LHFPL3: variants seen among roughly 807,000 people sequenced by gnomAD.
The protein encoded by LHFPL3 is LHFPL tetraspan subfamily member 3.
Under a neutral mutation model 19.3 loss-of-function variants are expected in LHFPL3, and 5 were observed. That is an observed-to-expected ratio of 0.26 (90% CI 0.14 to 0.54). LHFPL3 has a LOEUF of 0.54. Among genes scored for constraint, LHFPL3 ranks in the 20% least tolerant of loss-of-function variants. LHFPL3 has a pLI of 0.94. For missense variants in LHFPL3, 249 were observed against 307.4 expected, an observed-to-expected ratio of 0.81 and a Z score of 1.42; for synonymous variants, 133 against 126.2, an observed-to-expected ratio of 1.05 and a Z score of -0.36.
intron 1 of LHFPL3, among the ~76,000 whole-genome samples, chr7:104,382,746 A>G (rs1413549248): frequency 6.6e-6 from 1 of 152,214 alleles, no homozygotes; most frequent in Admixed American, 6.5e-5. Flanking sequence ...AGCTCTATTA[A>G]TGATCTTATT....
At chr7:104,543,525 C>A (rs1405418421) in intron 1 of LHFPL3, among the ~76,000 whole-genome samples, 1 of 151,798 alleles carries the variant, frequency 6.6e-6, no homozygotes, top group African/African-American at 2.4e-5. Flanking sequence ...AAATGTCCAA[C>A]AATGATAGAC....
intron 1 of LHFPL3, among the ~76,000 whole-genome samples, chr7:104,332,214 A>G (rs1013829416): frequency 3.0e-5 from 3 of 101,146 alleles, no homozygotes; most frequent in Non-Finnish European, 6.1e-5. Context: ...ATAAAATCCT[A>G]TTTCTTTTCT....
chr7:104,889,039 C>G (rs1184277987), intron 2 of LHFPL3, among the ~76,000 whole-genome samples: 1 of 152,038 alleles, frequency 6.6e-6, no homozygotes, highest in Non-Finnish European at 1.5e-5. Flanking sequence ...AAAGGTATAC[C>G]TATTATTTAA....
At chr7:104,789,154 C>T (rs1286503337) in intron 2 of LHFPL3, among the ~76,000 whole-genome samples, 3 of 152,184 alleles carry the variant, frequency 2.0e-5, no homozygotes, top group African/African-American at 7.2e-5. Flanking sequence ...GAATTCACAG[C>T]TCCTCACATG....
At chr7:104,387,061 C>T (rs2116463195) in intron 1 of LHFPL3, among the ~76,000 whole-genome samples, 1 of 152,204 alleles carries the variant, frequency 6.6e-6, no homozygotes, top group South Asian at 2.1e-4. Flanking sequence ...TAGACAAAGA[C>T]TTTAAATCAG....
intron 2 of LHFPL3, among the ~76,000 whole-genome samples, chr7:104,897,774 A>G (rs1792394773): frequency 6.6e-6 from 1 of 152,198 alleles, no homozygotes; most frequent in South Asian, 2.1e-4. Context: ...CCTTGCTAAA[A>G]GAGGATTAAA....
Position 104,566,083 on chromosome 7 carries a change from C to T in LHFPL3, c.446-170592C>T, listed in dbSNP as rs906016586. 9.9e-5 allele frequency among the ~76,000 whole-genome samples: 15 copies of T among 152,162 alleles called. No homozygotes were observed. The East Asian group carries it at 2.1e-3, about 22-fold the overall frequency. The stretch of plus-strand genomic sequence containing the variant: ...CTTCTCATGGCTGGGCATGATGGCT[C>T]ATACCTGTAATCCCAGCATTTTGGG... On this transcript the variant is annotated intron_variant, in intron 1 of 2. Transcript: ENST00000424859.
rs1374078485 is a variant in LHFPL3, at chr7:104,413,950, A to G, written c.445+84726A>G. On this transcript the variant is annotated intron_variant, in intron 1 of 2. Transcript: ENST00000424859. ...TGGCCAGATTAATTTATTTTCAGCA[A>G]AAAAGGTGATTTAATATATAAGAAT... Among the ~76,000 whole-genome samples, 6 of 152,226 alleles carry G rather than the reference A, an allele frequency of 3.9e-5. No homozygotes were observed. The East Asian group carries it at 1.2e-3, about 29-fold the overall frequency.
rs565824655 is a variant in LHFPL3 at position 104,751,746 on chromosome 7, T to C, written c.682+14835T>C. ...TCTTTCATATCTTTTAGCATTTTTA[T>C]CGAAAAAGACTTGTATCTGGCCTCA... On this transcript the variant is annotated intron_variant, in intron 2 of 2. Coordinates refer to ENST00000424859, the MANE Select transcript of LHFPL3 (RefSeq NM_199000.3). Among the ~76,000 whole-genome samples, 403 of 152,304 alleles carry C rather than the reference T, an allele frequency of 2.6e-3. 1 individual carries two copies. The highest frequency in any genetic ancestry group is 5.0e-3 in the Non-Finnish European group (339 of 68,028).
intron 1 of LHFPL3, among the ~76,000 whole-genome samples, chr7:104,418,033 GC>G (rs994356634): frequency 1.1e-4 from 17 of 151,538 alleles, no homozygotes; most frequent in Non-Finnish European, 2.2e-4. Flanking sequence ...CAGGGACCAT[GC>G]CCAGCTAATT....
chr7:104,446,548 TTTTTTG>T, intron 1 of LHFPL3, among the ~76,000 whole-genome samples: 1 of 152,198 alleles, frequency 6.6e-6, no homozygotes, highest in East Asian at 1.9e-4. Flanking sequence ...GATTTTCTAG[TTTTTTG>T]TTTTTATTTT....
At chr7:104,860,575 G>T (rs947709922) in intron 2 of LHFPL3, among the ~76,000 whole-genome samples, 1 of 152,174 alleles carries the variant, frequency 6.6e-6, no homozygotes, top group Non-Finnish European at 1.5e-5. Context: ...CCCCCATCTT[G>T]CAGTCTCTTC....
chr7:104,578,583 G>A (rs897267676), intron 1 of LHFPL3, among the ~76,000 whole-genome samples: 1 of 152,104 alleles, frequency 6.6e-6, no homozygotes, highest in South Asian at 2.1e-4. Flanking sequence ...TTTATATTGG[G>A]ATCTCCTGTG....
chr7:104,580,601 T>C (rs1790442047), intron 1 of LHFPL3, among the ~76,000 whole-genome samples: 1 of 152,116 alleles, frequency 6.6e-6, no homozygotes, highest in Non-Finnish European at 1.5e-5. Context: ...AGGCATATTA[T>C]TCAATGAATT....
At chr7:104,593,300 A>C (rs1013812756) in intron 1 of LHFPL3, among the ~76,000 whole-genome samples, 1 of 152,030 alleles carries the variant, frequency 6.6e-6, no homozygotes, top group Non-Finnish European at 1.5e-5. Context: ...TTTTGTACCC[A>C]GTAGTCATTC....
At chr7:104,617,571 CCTT>C (rs1791369843) in intron 1 of LHFPL3, among the ~76,000 whole-genome samples, 1 of 152,134 alleles carries the variant, frequency 6.6e-6, no homozygotes. Context: ...TAATCAATAA[CCTT>C]CTGTGTTTTT....
At chr7:104,385,937 T>C (rs2116461084) in intron 1 of LHFPL3, among the ~76,000 whole-genome samples, 1 of 150,614 alleles carries the variant, frequency 6.6e-6, no homozygotes, top group South Asian at 2.1e-4. Context: ...ATGAAAACAT[T>C]GGCAAAAAAA....
chr7:104,667,344 A>G, intron 1 of LHFPL3, among the ~76,000 whole-genome samples: 1 of 151,206 alleles, frequency 6.6e-6, no homozygotes. Context: ...GGCTATGCCC[A>G]CTCTTGCATT....
intron 1 of LHFPL3, among the ~76,000 whole-genome samples, chr7:104,549,448 AACACACACACACAC>A (rs61148155): frequency 0.013 from 1,801 of 140,322 alleles, 34 homozygotes; most frequent in African/African-American, 0.044. Flanking sequence ...CCCTTAACCC[AACACACACACACAC>A]ACACACACAC....
Sources: gnomAD v4.1 joint callset for allele counts (sites outside exome capture counted in the v4.1 genomes callset) on GRCh38, gnomAD v4.1.1 for gene constraint, MANE v1.5 for transcripts, NCBI Gene and HGNC (gene_info 2026-07-23, HGNC 2026-07-21) for gene names.